Variants in SLC30A8 observed in about 807,000 individuals in gnomAD.
The protein encoded by SLC30A8 is proton-coupled zinc antiporter SLC30A8.
In SLC30A8, 27 loss-of-function variants were observed where a neutral mutation model predicts 36.9. The observed-to-expected ratio is 0.73, with a 90% confidence interval of 0.54 to 1.01. The LOEUF is 1.01. Ranked by LOEUF, SLC30A8 falls within the 50% of genes least tolerant of loss-of-function variation. SLC30A8 has a pLI of 0.00. For missense variants in SLC30A8, 439 were observed against 452.0 expected (o/e 0.97, Z 0.26); for synonymous variants, 164 against 172.4 (o/e 0.95, Z 0.38).
chr8:117,107,714 C>T (rs913032860), intron 2 of SLC30A8, among the ~76,000 whole-genome samples: 5 of 152,052 alleles, frequency 3.3e-5, no homozygotes, highest in East Asian at 1.9e-4. Flanking sequence ...GATATTTGAG[C>T]GATAAACACA....
At chr8:117,022,175 G>A (rs1161572440) in intron 1 of SLC30A8, among the ~76,000 whole-genome samples, 1 of 148,416 alleles carries the variant, frequency 6.7e-6, no homozygotes, top group East Asian at 2.0e-4. Context: ...TGTCCGGCCT[G>A]GGCAAAAGAG....
At chr8:116,977,726 G>A (rs1248042514) in intron 1 of SLC30A8, among the ~76,000 whole-genome samples, 1 of 151,830 alleles carries the variant, frequency 6.6e-6, no homozygotes, top group East Asian at 1.9e-4. Flanking sequence ...TGGCCAAGAT[G>A]GTCTCAATCT....
At chr8:117,110,880 G>A (rs914598015) in intron 2 of SLC30A8, among the ~76,000 whole-genome samples, 1 of 152,136 alleles carries the variant, frequency 6.6e-6, no homozygotes, top group Non-Finnish European at 1.5e-5. Flanking sequence ...GCTTTACAGA[G>A]GAGGACACCA....
At chr8:117,160,779 C>T (rs1230686953) in intron 4 of SLC30A8, among the ~76,000 whole-genome samples, 1 of 152,166 alleles carries the variant, frequency 6.6e-6, no homozygotes, top group South Asian at 2.1e-4. Flanking sequence ...ACTGCACATT[C>T]AGTAGTGATC....
At chr8:117,130,087 G>A (rs1821066314), upstream of SLC30A8, 1 of 151,936 alleles carries the variant, frequency 6.6e-6, no homozygotes, top group Admixed American at 6.6e-5. Context: ...AATTGGATTA[G>A]CAGCATTTTA....
intron 1 of SLC30A8, among the ~76,000 whole-genome samples, chr8:117,035,392 A>G (rs1161023493): frequency 6.6e-6 from 1 of 152,236 alleles, no homozygotes; most frequent in Non-Finnish European, 1.5e-5. Flanking sequence ...CAGGGCCATC[A>G]TTAAATCTTA....
At chr8:117,153,347 AG>A (rs1274919395) in intron 3 of SLC30A8, among the ~76,000 whole-genome samples, 1 of 152,202 alleles carries the variant, frequency 6.6e-6, no homozygotes, top group Non-Finnish European at 1.5e-5. Context: ...CCCCAGCCTC[AG>A]GGACTCTGTG....
At chr8:117,056,100 T>C (rs1341725598) in intron 2 of SLC30A8, 2 of 152,202 alleles carry the variant, frequency 1.3e-5, no homozygotes, top group South Asian at 2.1e-4. Context: ...TTCTGTTGGC[T>C]TAACTCCTCC....
At chr8:116,961,320 T>C (rs1019172118) in intron 1 of SLC30A8, among the ~76,000 whole-genome samples, 1 of 151,952 alleles carries the variant, frequency 6.6e-6, no homozygotes, top group Non-Finnish European at 1.5e-5. Context: ...TCCCAGCTAC[T>C]CGGGAGGCTG....
chr8:117,071,131 CA>C (rs1208360753), intron 2 of SLC30A8, among the ~76,000 whole-genome samples: 7 of 152,116 alleles, frequency 4.6e-5, no homozygotes, highest in African/African-American at 1.7e-4. Flanking sequence ...TACTGTTGTC[CA>C]TAATGGCTAT....
intron 2 of SLC30A8, among the ~76,000 whole-genome samples, chr8:117,124,640 T>C (rs554239480): frequency 7.0e-6 from 1 of 142,020 alleles, no homozygotes; most frequent in South Asian, 2.2e-4. Context: ...AGTCCTCCCT[T>C]GTATCCAGAA....
At chr8:116,987,899 A>G (rs1403658850) in intron 1 of SLC30A8, among the ~76,000 whole-genome samples, 1 of 152,102 alleles carries the variant, frequency 6.6e-6, no homozygotes, top group Non-Finnish European at 1.5e-5. Context: ...GGGTTTTACC[A>G]TGTTGGCCAG....
chr8:116,954,678 T>A (rs1334186892), intron 1 of SLC30A8, among the ~76,000 whole-genome samples: 1 of 152,212 alleles, frequency 6.6e-6, no homozygotes, highest in Non-Finnish European at 1.5e-5. Context: ...AAACAGTGAA[T>A]GTATAACATT....
At chr8:116,967,129 TA>T (rs1814624419) in intron 1 of SLC30A8, among the ~76,000 whole-genome samples, 1 of 152,156 alleles carries the variant, frequency 6.6e-6, no homozygotes, top group Non-Finnish European at 1.5e-5. Context: ...ATGACTCAAA[TA>T]AAAATTCCCC....
At chr8:117,090,329 C>T (rs954387565) in intron 2 of SLC30A8, among the ~76,000 whole-genome samples, 1 of 152,042 alleles carries the variant, frequency 6.6e-6, no homozygotes, top group African/African-American at 2.4e-5. Flanking sequence ...GCTTCATTTA[C>T]TCATTCATTT....
chr8:117,046,279 C>A (rs958971334), intron 2 of SLC30A8, among the ~76,000 whole-genome samples: 1 of 152,186 alleles, frequency 6.6e-6, no homozygotes, highest in African/African-American at 2.4e-5. Context: ...TGGACCCCCC[C>A]ACCGCCACAG....
rs1037836696 is a variant in SLC30A8 at position 116,982,259 on chromosome 8, G to GT, written c.-266+31151dup. On this transcript the variant is annotated intron_variant, in intron 1 of 10. Coordinates refer to the SLC30A8 transcript ENST00000427715. Reference sequence around the variant, plus strand: ...ACTGTAAACATTTAGGTTGTTTCCAGTTTTTTTTTTTCATATCTTGTTGCT... The same window carrying GT: ...ACTGTAAACATTTAGGTTGTTTCCAGTTTTTTTTTTTTCATATCTTGTTGCT... Among the ~76,000 whole-genome samples the GT allele has an allele frequency of 2.6e-3, 384 of 145,416 alleles. 1 individual carries two copies. Among genetic ancestry groups the GT allele is most frequent in the Admixed American group, 3.8e-3 (55 of 14,556 alleles).
intron 2 of SLC30A8, among the ~76,000 whole-genome samples, chr8:117,058,436 A>G (rs761189926): frequency 2.9e-4 from 44 of 152,062 alleles, no homozygotes; most frequent in Non-Finnish European, 5.4e-4. Context: ...TTTTGGTGTC[A>G]TATCAAAAAA....
chr8:117,088,351 A>G (rs981587194), intron 2 of SLC30A8, among the ~76,000 whole-genome samples: 3 of 152,218 alleles, frequency 2.0e-5, no homozygotes, highest in Admixed American at 6.5e-5. Flanking sequence ...ATTCAGTACA[A>G]TGCAGATGCC....
Sources: gnomAD v4.1 joint callset for allele counts (sites outside exome capture counted in the v4.1 genomes callset) on GRCh38, gnomAD v4.1.1 for gene constraint, MANE v1.5 for transcripts, NCBI Gene and HGNC (gene_info 2026-07-23, HGNC 2026-07-21) for gene names.